The following PAPPA2 variants were observed in gnomAD, a reference collection of about 807,000 sequenced individuals.
PAPPA2 encodes the protein pappalysin-2.
A neutral mutation model predicts 176.4 loss-of-function variants in PAPPA2; 86 were observed. The ratio of observed to expected loss-of-function variants is 0.49; its 90% CI spans 0.41 to 0.58. The LOEUF is 0.58. PAPPA2 is among the 20% of genes least tolerant of loss of function. The pLI is 0.00. For missense variants in PAPPA2, 2,073 were observed against 2,256.9 expected (o/e 0.92, Z 1.65); for synonymous variants, 809 against 852.2 (o/e 0.95, Z 0.88).
intron 3 of PAPPA2, among the ~76,000 whole-genome samples, chr1:176,622,027 C>T (rs1655627702): frequency 6.6e-6 from 1 of 151,894 alleles, no homozygotes; most frequent in African/African-American, 2.4e-5. Flanking sequence ...GGAGAAAGAT[C>T]TCATGGTGTT....
intron 12 of PAPPA2, among the ~76,000 whole-genome samples, chr1:176,731,744 T>TATATATAC (rs1662166892): frequency 2.6e-5 from 4 of 151,832 alleles, no homozygotes; most frequent in African/African-American, 7.3e-5. Context: ...TATACATGCG[T>TATATATAC]ACATATATAT....
chr1:176,466,073 A>G (rs981749607), intron 1 of PAPPA2, among the ~76,000 whole-genome samples: 1 of 152,220 alleles, frequency 6.6e-6, no homozygotes, highest in Admixed American at 6.5e-5. Flanking sequence ...AGTGACAGAT[A>G]ATACATGCGT....
chr1:176,542,868 C>T (rs888839236), intron 1 of PAPPA2, among the ~76,000 whole-genome samples: 1 of 152,204 alleles, frequency 6.6e-6, no homozygotes, highest in African/African-American at 2.4e-5. Context: ...AACCACGTTT[C>T]ATCAGTAAAA....
intron 21 of PAPPA2, among the ~76,000 whole-genome samples, chr1:176,817,036 C>T (rs1666434122): frequency 6.6e-6 from 1 of 152,058 alleles, no homozygotes; most frequent in African/African-American, 2.4e-5. Context: ...AGCACAGACC[C>T]CATCTCCTAG....
At chr1:176,564,861 A>G (rs1651874037) in intron 2 of PAPPA2, among the ~76,000 whole-genome samples, 1 of 151,822 alleles carries the variant, frequency 6.6e-6, no homozygotes, top group Non-Finnish European at 1.5e-5. Context: ...TCAATCAATT[A>G]TCTCAATCTA....
chr1:176,707,098 A>G (rs74467783), intron 10 of PAPPA2, among the ~76,000 whole-genome samples: 2 of 152,284 alleles, frequency 1.3e-5, no homozygotes, highest in East Asian at 3.9e-4. Context: ...TACCATCAAC[A>G]GGTTTCTTAG....
At chr1:176,735,677 AATCT>A (rs55758426) in intron 12 of PAPPA2, among the ~76,000 whole-genome samples, 40,692 of 143,950 alleles carry the variant, frequency 0.28, 5,718 homozygotes, top group East Asian at 0.36. Context: ...CATCTCTCAG[AATCT>A]ATCTATCTAT....
At chr1:176,652,598 A>G (rs564899510) in intron 3 of PAPPA2, among the ~76,000 whole-genome samples, 1 of 151,778 alleles carries the variant, frequency 6.6e-6, no homozygotes, top group East Asian at 2.0e-4. Flanking sequence ...TTCTTTGGCT[A>G]AGGTACAAAG....
chr1:176,607,431 A>G (rs1654677340), intron 3 of PAPPA2, among the ~76,000 whole-genome samples: 1 of 152,170 alleles, frequency 6.6e-6, no homozygotes, highest in African/African-American at 2.4e-5. Context: ...CAACTTTTTT[A>G]GCTCCCACAT....
At chr1:176,606,334 T>C (rs762502350) in intron 3 of PAPPA2, among the ~76,000 whole-genome samples, 2 of 152,200 alleles carry the variant, frequency 1.3e-5, no homozygotes, top group Non-Finnish European at 2.9e-5. Context: ...GTTTAGCTGA[T>C]AGTGGATAAA....
intron 21 of PAPPA2, among the ~76,000 whole-genome samples, chr1:176,800,781 T>C (rs975497725): frequency 3.3e-5 from 5 of 152,222 alleles, no homozygotes; most frequent in Admixed American, 2.0e-4. Context: ...CACCCCTTGT[T>C]TAAAATAACT....
chr1:176,663,465 A>G (rs1658462867), intron 3 of PAPPA2, among the ~76,000 whole-genome samples: 1 of 152,082 alleles, frequency 6.6e-6, no homozygotes, highest in African/African-American at 2.4e-5. Flanking sequence ...AGCCATAGGT[A>G]TTGTTATTCA....
At chr1:176,492,396 A>T (rs1378410548) in intron 1 of PAPPA2, among the ~76,000 whole-genome samples, 1 of 152,224 alleles carries the variant, frequency 6.6e-6, no homozygotes, top group Admixed American at 6.5e-5. Flanking sequence ...TGATATTCTG[A>T]GACTCCTAGA....
At chr1:176,553,472 C>A (rs1651087094) in intron 1 of PAPPA2, 2 of 151,784 alleles carry the variant, frequency 1.3e-5, no homozygotes, top group Non-Finnish European at 2.9e-5. Context: ...GAGGAAAACA[C>A]AGAAATGGTT....
Position 176,641,900 on chromosome 1 carries a change from T to C in PAPPA2, c.1992-29070T>C, listed in dbSNP as rs1486314323. Among the ~76,000 whole-genome samples, 3 of 151,748 alleles carry C rather than the reference T, an allele frequency of 2.0e-5. No homozygotes were observed. In the East Asian group the frequency reaches 5.8e-4, roughly 30 times the overall value. On this transcript the variant is annotated intron_variant, in intron 3 of 22. Coordinates refer to ENST00000367662, the MANE Select transcript of PAPPA2 (RefSeq NM_020318.3). ...CAAACACTAAGAAAAGTCAAGGAGG[T>C]CTAGGTTAGTGTGTACAATTTTGCA...
chr1:176,805,269 T>G (rs1665855053), intron 21 of PAPPA2, among the ~76,000 whole-genome samples: 1 of 152,210 alleles, frequency 6.6e-6, no homozygotes, highest in Non-Finnish European at 1.5e-5. Context: ...CTGATTAGTT[T>G]TCTTCATACT....
intron 14 of PAPPA2, among the ~76,000 whole-genome samples, chr1:176,763,980 C>G (rs1415603411): frequency 6.6e-6 from 1 of 152,158 alleles, no homozygotes; most frequent in Non-Finnish European, 1.5e-5. Flanking sequence ...CTGGTGTATG[C>G]TCGGCTTTCT....
At chr1:176,586,930 T>G (rs1280532433) in intron 2 of PAPPA2, among the ~76,000 whole-genome samples, 1 of 152,190 alleles carries the variant, frequency 6.6e-6, no homozygotes, top group Admixed American at 6.5e-5. Context: ...GCTTTCCTAT[T>G]TCTCCACATC....
Position 176,491,377 on chromosome 1 carries a change from G to A in PAPPA2, c.-917+27959G>A, listed in dbSNP as rs79281329. ...GTTGGGAGCTGTCTTCATAGATGAG[G>A]TGTGACATCTAGGCTGGGCTTGAAC... On this transcript the variant is annotated intron_variant, in intron 1 of 22. Coordinates refer to ENST00000367662, the MANE Select transcript of PAPPA2 (RefSeq NM_020318.3). 2.1e-3 allele frequency among the ~76,000 whole-genome samples: 324 copies of A among 152,306 alleles called. 3 individuals are homozygous for A. Among genetic ancestry groups the A allele is most frequent in the African/African-American group, 7.5e-3 (313 of 41,578 alleles).
Sources: gnomAD v4.1 joint callset for allele counts (sites outside exome capture counted in the v4.1 genomes callset) on GRCh38, gnomAD v4.1.1 for gene constraint, MANE v1.5 for transcripts, NCBI Gene and HGNC (gene_info 2026-07-23, HGNC 2026-07-21) for gene names.